Variants in RORB observed in about 807,000 individuals in gnomAD.
RORB encodes the protein nuclear receptor ROR-beta.
RORB carries 6 observed loss-of-function variants against 59.1 expected under a neutral mutation model. The ratio of observed to expected loss-of-function variants is 0.10; its 90% CI spans 0.06 to 0.20. The LOEUF is 0.20. Among genes scored for constraint, RORB ranks in the 10% least tolerant of loss-of-function variants. The probability of loss-of-function intolerance (pLI) is 1.00; values close to 1 mark genes in which losing one functional copy is unlikely to be tolerated. For missense variants in RORB, 320 were observed against 560.5 expected (o/e 0.57, Z 4.33); for synonymous variants, 215 against 204.5 (o/e 1.05, Z -0.44).
At chr9:74,611,225 C>T (rs1823227109) in intron 1 of RORB, among the ~76,000 whole-genome samples, 1 of 152,066 alleles carries the variant, frequency 6.6e-6, no homozygotes, top group East Asian at 1.9e-4. Context: ...AGCTAAGCTC[C>T]CTTAACCAGA....
chr9:74,551,412 C>T (rs4745341), intron 1 of RORB, among the ~76,000 whole-genome samples: 88,231 of 151,964 alleles, frequency 0.58, 26,489 homozygotes, highest in African/African-American at 0.72. Flanking sequence ...ATCACCAGGT[C>T]AGCTACTAAG....
chr9:74,622,519 ATTTT>A (rs33946613), intron 1 of RORB, among the ~76,000 whole-genome samples: 2 of 74,142 alleles, frequency 2.7e-5, no homozygotes, highest in South Asian at 6.3e-4. Flanking sequence ...TACAACCCAG[ATTTT>A]TTTTTTTTTT....
chr9:74,530,302 G>C (rs1826216740), intron 1 of RORB, among the ~76,000 whole-genome samples: 1 of 151,950 alleles, frequency 6.6e-6, no homozygotes, highest in Non-Finnish European at 1.5e-5. Flanking sequence ...ATCATAGTTG[G>C]TGTACCCTGA....
chr9:74,568,177 C>T (rs944231968), intron 1 of RORB, among the ~76,000 whole-genome samples: 1 of 152,012 alleles, frequency 6.6e-6, no homozygotes, highest in Non-Finnish European at 1.5e-5. Flanking sequence ...AATAAAATTC[C>T]GTACTGGACA....
At chr9:74,657,077 C>T (rs891116387) in intron 4 of RORB, among the ~76,000 whole-genome samples, 4 of 152,082 alleles carry the variant, frequency 2.6e-5, no homozygotes, top group East Asian at 1.9e-4. Context: ...GACGGAGTCA[C>T]GCTCTGTCAC....
chr9:74,506,570 C>T (rs894325830), intron 1 of RORB, among the ~76,000 whole-genome samples: 1 of 152,078 alleles, frequency 6.6e-6, no homozygotes, highest in Admixed American at 6.6e-5. Flanking sequence ...GGTCCTCATA[C>T]TAATGTCTGA....
chr9:74,663,241 C>T (rs933250408), intron 6 of RORB, among the ~76,000 whole-genome samples: 15 of 151,838 alleles, frequency 9.9e-5, no homozygotes, highest in African/African-American at 3.6e-4. Context: ...GGTGTTTATG[C>T]GAATTTTCAT....
rs12348578 is a variant in RORB, at chr9:74,674,821, C to T, written c.1224+2920C>T. On this transcript the variant is annotated intron_variant, in intron 9 of 9. Coordinates refer to ENST00000376896, the MANE Select transcript of RORB (RefSeq NM_006914.4). ...TTATCAGCATAATTATGATACATAG[C>T]GTATTTATAATAAACCATCAAAGCC... Among the ~76,000 whole-genome samples the T allele has an allele frequency of 1.9e-3, 292 of 152,210 alleles. 1 individual carries two copies. Among genetic ancestry groups the T allele is most frequent in the Middle Eastern group, 0.014 (4 of 292 alleles).
intron 1 of RORB, among the ~76,000 whole-genome samples, chr9:74,628,718 A>T (rs1823563495): frequency 6.6e-6 from 1 of 152,250 alleles, no homozygotes; most frequent in South Asian, 2.1e-4. Context: ...TGGCAGATTG[A>T]TATACAACGC....
intron 1 of RORB, among the ~76,000 whole-genome samples, chr9:74,552,687 C>T (rs1261551639): frequency 6.6e-6 from 1 of 151,740 alleles, no homozygotes. Flanking sequence ...TCATTCATTC[C>T]ATAAACTAAT....
chr9:74,555,391 C>G (rs182477494), intron 1 of RORB, among the ~76,000 whole-genome samples: 2 of 152,166 alleles, frequency 1.3e-5, no homozygotes, highest in Non-Finnish European at 1.5e-5. Context: ...TTGCTCATTT[C>G]GATGGAGAAG....
chr9:74,579,636 G>C (rs892471791), intron 1 of RORB, among the ~76,000 whole-genome samples: 1 of 152,090 alleles, frequency 6.6e-6, no homozygotes, highest in Non-Finnish European at 1.5e-5. Context: ...ACCTGAACTT[G>C]AGAAACCCTT....
chr9:74,589,314 T>C (rs982066931), intron 1 of RORB, among the ~76,000 whole-genome samples: 1 of 152,196 alleles, frequency 6.6e-6, no homozygotes, highest in Admixed American at 6.5e-5. Context: ...TTCCTGTGTC[T>C]TTCTATTTCT....
intron 1 of RORB, among the ~76,000 whole-genome samples, chr9:74,603,968 A>C (rs1245791624): frequency 6.6e-6 from 1 of 152,204 alleles, no homozygotes; most frequent in Non-Finnish European, 1.5e-5. Context: ...AAGAGGAGAG[A>C]GTTTATTCCC....
At chr9:74,586,600 C>CGCGTGTGTGT (rs1554668277) in intron 1 of RORB, among the ~76,000 whole-genome samples, 1 of 141,200 alleles carries the variant, frequency 7.1e-6, no homozygotes, top group Non-Finnish European at 1.5e-5. Context: ...ATGTAATGTC[C>CGCGTGTGTGT]GTGTGTGTGT....
At chr9:74,658,004 CAAAAAAAAAAAA>C (rs60719147) in intron 4 of RORB, among the ~76,000 whole-genome samples, 6 of 97,814 alleles carry the variant, frequency 6.1e-5, no homozygotes, top group South Asian at 8.0e-4. Flanking sequence ...GACTCGGTCT[CAAAAAAAAAAAA>C]AAAAAAAAAA....
intron 1 of RORB, among the ~76,000 whole-genome samples, chr9:74,540,868 A>G (rs921071730): frequency 1.3e-5 from 2 of 152,206 alleles, no homozygotes; most frequent in African/African-American, 4.8e-5. Flanking sequence ...AAATACATCA[A>G]TTATTTTATA....
intron 1 of RORB, among the ~76,000 whole-genome samples, chr9:74,620,120 C>G (rs1482468339): frequency 6.6e-6 from 1 of 152,118 alleles, no homozygotes; most frequent in Non-Finnish European, 1.5e-5. Context: ...AGGAATGGTA[C>G]CAGCTCCTTT....
intron 3 of RORB, among the ~76,000 whole-genome samples, chr9:74,640,983 G>A (rs1015152229): frequency 6.6e-6 from 1 of 152,160 alleles, no homozygotes; most frequent in South Asian, 2.1e-4. Flanking sequence ...ATTCTCAGAA[G>A]AGCATCAACC....
Sources: gnomAD v4.1 joint callset for allele counts (sites outside exome capture counted in the v4.1 genomes callset) on GRCh38, gnomAD v4.1.1 for gene constraint, MANE v1.5 for transcripts, NCBI Gene and HGNC (gene_info 2026-07-23, HGNC 2026-07-21) for gene names.